Variants in AGMO observed in about 807,000 individuals in gnomAD.
AGMO encodes alkylglycerol monooxygenase.
Under a neutral mutation model 60.2 loss-of-function variants are expected in AGMO, and 75 were observed. That is an observed-to-expected ratio of 1.25 (90% confidence interval 1.03 to 1.51). The LOEUF is 1.51. Ranked by LOEUF, AGMO falls within the 40% of genes most tolerant of loss-of-function variation. AGMO has a pLI of 0.00. For missense variants in AGMO, 763 were observed against 525.5 expected (o/e 1.45, Z -4.42); for synonymous variants, 261 against 177.1 (o/e 1.47, Z -3.76).
At chr7:15,280,291 G>A (rs1583358433) in intron 12 of AGMO, among the ~76,000 whole-genome samples, 1 of 152,160 alleles carries the variant, frequency 6.6e-6, no homozygotes, top group African/African-American at 2.4e-5. Flanking sequence ...CTTGCCAAAT[G>A]CATGGAAGCT....
chr7:15,359,918 T>A (rs1346300007), intron 12 of AGMO, among the ~76,000 whole-genome samples: 1 of 152,140 alleles, frequency 6.6e-6, no homozygotes, highest in Non-Finnish European at 1.5e-5. Flanking sequence ...TCAGAGAAAC[T>A]AACTGGGAAA....
At chr7:15,345,101 A>G (rs1438745319) in intron 12 of AGMO, among the ~76,000 whole-genome samples, 2 of 152,194 alleles carry the variant, frequency 1.3e-5, no homozygotes, top group Non-Finnish European at 1.5e-5. Flanking sequence ...TCTTCTTTAC[A>G]AAACACAAAA....
chr7:15,541,593 C>T (rs1268219125), intron 3 of AGMO, among the ~76,000 whole-genome samples: 1 of 151,924 alleles, frequency 6.6e-6, no homozygotes, highest in African/African-American at 2.4e-5. Context: ...TTTTTCATTC[C>T]AGAGGAAGAA....
chr7:15,122,141 G>C, the AGMO span, among the ~76,000 whole-genome samples: 1 of 151,872 alleles, frequency 6.6e-6, no homozygotes, highest in Non-Finnish European at 1.5e-5. Context: ...TGGGAGAAAA[G>C]TTTTGCAATC....
intron 2 of AGMO, among the ~76,000 whole-genome samples, chr7:15,552,139 C>G (rs1161068702): frequency 6.6e-6 from 1 of 152,102 alleles, no homozygotes; most frequent in Admixed American, 6.6e-5. Flanking sequence ...GAAACTGGAT[C>G]CCTTCCTTAC....
intron 12 of AGMO, among the ~76,000 whole-genome samples, chr7:15,331,816 C>T (rs1041746402): frequency 2.6e-5 from 4 of 151,996 alleles, no homozygotes; most frequent in Non-Finnish European, 4.4e-5. Context: ...ATCACAGCTA[C>T]TCAGGAGGCT....
the AGMO span, among the ~76,000 whole-genome samples, chr7:15,153,966 C>G: frequency 6.6e-6 from 1 of 151,952 alleles, no homozygotes; most frequent in Non-Finnish European, 1.5e-5. Context: ...TTGATTCTAT[C>G]CATCCATGAG....
At chr7:15,175,774 T>C in the AGMO span, among the ~76,000 whole-genome samples, 2 of 151,958 alleles carry the variant, frequency 1.3e-5, no homozygotes, top group Admixed American at 6.6e-5. Flanking sequence ...GCATAGTATA[T>C]AGATTAAATA....
chr7:15,419,330 AT>A (rs1272714767), intron 4 of AGMO, among the ~76,000 whole-genome samples: 6 of 152,036 alleles, frequency 3.9e-5, no homozygotes, highest in Non-Finnish European at 7.4e-5. Context: ...ACTAATAAGC[AT>A]GATCTGCTTG....
rs1005374391 is a variant in AGMO, at chr7:15,200,682, A to C, written c.*603T>G. On this transcript the variant is annotated 3_prime_UTR_variant, in exon 13 of 13. Coordinates refer to ENST00000342526, the MANE Select transcript of AGMO (RefSeq NM_001004320.2). The stretch of plus-strand genomic sequence containing the variant: ...CTAAATTTTTATATTTTTAGTAGAG[A>C]CAGGACTTCACCATGTTGGCCAGGA... The C allele has an allele frequency of 1.3e-5, 2 of 152,198 alleles. No individual in the cohort carries two copies. Among genetic ancestry groups the C allele is most frequent in the Non-Finnish European group, 2.9e-5 (2 of 68,096 alleles). 9.4% of individuals were successfully genotyped at this position (152,198 alleles called of 1,614,324 possible). A position where few individuals can be genotyped will look rare whatever the true frequency, so the allele number is the denominator to read the frequency against.
At position 15,505,175 on chromosome 7, in the gene AGMO, G is replaced by T. The variant is rs114960262; in HGVS notation, c.409+39597C>A. 5.6e-3 allele frequency among the ~76,000 whole-genome samples: 846 copies of T among 151,872 alleles called. 13 individuals carry two copies. The highest frequency in any genetic ancestry group is 0.019 in the African/African-American group (796 of 41,448). ...TACATTTTTTCATGTAGTGATATACGAATAGATGGAATTACTACATTGTAC... is the reference window on the plus strand; with the variant it reads ...TACATTTTTTCATGTAGTGATATACTAATAGATGGAATTACTACATTGTAC... On this transcript the variant is annotated intron_variant, in intron 3 of 12. Coordinates refer to ENST00000342526, the MANE Select transcript of AGMO (RefSeq NM_001004320.2).
At chr7:15,337,276 A>G (rs886238007) in intron 12 of AGMO, among the ~76,000 whole-genome samples, 1 of 152,220 alleles carries the variant, frequency 6.6e-6, no homozygotes, top group African/African-American at 2.4e-5. Context: ...AATATGCAAG[A>G]AGGAAGGCCT....
intron 12 of AGMO, among the ~76,000 whole-genome samples, chr7:15,365,175 T>C (rs907580733): frequency 1.3e-5 from 2 of 151,318 alleles, no homozygotes; most frequent in Non-Finnish European, 2.9e-5. Context: ...AACGGCAGAG[T>C]CTCTGCCAAA....
At chr7:15,221,017 G>T (rs774368072) in intron 12 of AGMO, among the ~76,000 whole-genome samples, 4 of 152,232 alleles carry the variant, frequency 2.6e-5, no homozygotes, top group South Asian at 2.1e-4. Context: ...ATACAATGAG[G>T]ATGTCAGAAT....
the AGMO span, among the ~76,000 whole-genome samples, chr7:15,195,046 CT>C: frequency 6.6e-6 from 1 of 152,150 alleles, no homozygotes; most frequent in Non-Finnish European, 1.5e-5. Flanking sequence ...GTATGGACAT[CT>C]TTTACATTTA....
chr7:15,354,393 T>TAC (rs1220313870), intron 12 of AGMO, among the ~76,000 whole-genome samples: 471 of 41,090 alleles, frequency 0.011, 47 homozygotes, highest in Non-Finnish European at 0.014. Context: ...CGTGTGTGTA[T>TAC]ACACGTGTGT....
At chr7:15,151,930 TTAGTC>T in the AGMO span, among the ~76,000 whole-genome samples, 1 of 152,174 alleles carries the variant, frequency 6.6e-6, no homozygotes, top group South Asian at 2.1e-4. Flanking sequence ...TTTCTTCAGG[TTAGTC>T]TATTCTGTTT....
At chr7:15,386,078 G>A (rs969368363) in intron 9 of AGMO, among the ~76,000 whole-genome samples, 3 of 152,062 alleles carry the variant, frequency 2.0e-5, no homozygotes, top group African/African-American at 7.2e-5. Flanking sequence ...CTACTCAGGA[G>A]GCTGAGGCAG....
At chr7:15,468,329 T>G (rs934910133) in intron 3 of AGMO, among the ~76,000 whole-genome samples, 2 of 152,074 alleles carry the variant, frequency 1.3e-5, no homozygotes, top group Non-Finnish European at 2.9e-5. Flanking sequence ...ACCAAGAAAT[T>G]TTTTCTATAC....
Sources: gnomAD v4.1 joint callset for allele counts (sites outside exome capture counted in the v4.1 genomes callset) on GRCh38, gnomAD v4.1.1 for gene constraint, MANE v1.5 for transcripts, NCBI Gene and HGNC (gene_info 2026-07-23, HGNC 2026-07-21) for gene names.